The following RB1 variants were observed in gnomAD, a reference collection of about 807,000 sequenced individuals.
RB1 encodes the protein RB transcriptional corepressor 1.
In RB1, 18 loss-of-function variants were observed where a neutral mutation model predicts 135.4. The observed-to-expected ratio is 0.13, with a 90% CI of 0.09 to 0.20. The LOEUF (loss-of-function observed/expected upper bound fraction) is 0.20. RB1 is among the 10% of genes least tolerant of loss of function. RB1 has a pLI of 1.00. For missense variants in RB1, 868 were observed against 1,110.0 expected, an observed-to-expected ratio of 0.78 and a Z score of 3.10; for synonymous variants, 365 against 373.2, an observed-to-expected ratio of 0.98 and a Z score of 0.25.
At chr13:48,304,153 C>G in intron 1 of RB1, 104 bp downstream of exon 1, 1 of 1,237,898 alleles carries the variant, frequency 8.1e-7, no homozygotes, top group Non-Finnish European at 1.0e-6. Flanking sequence ...CGCCAGGGGC[C>G]GGGTCCCGGC....
chr13:48,339,441 C>T lies in RB1; in HGVS notation c.265-3158C>T, dbSNP rs185760892. Among the ~76,000 whole-genome samples, 322 of 152,302 alleles carry T rather than the reference C, an allele frequency of 2.1e-3. 1 individual carries two copies. The highest frequency in any genetic ancestry group is 7.0e-3 in the African/African-American group (289 of 41,558). On this transcript the variant is annotated intron_variant, in intron 2 of 26. Transcript: ENST00000267163. ...CTCAGACTGCTGTGCTAGCAATGAG[C>T]GAGGCTCCGTGGGTGTGGGACCCTC...
intron 17 of RB1, among the ~76,000 whole-genome samples, chr13:48,387,619 C>T (rs1401007045): frequency 6.6e-6 from 1 of 151,924 alleles, no homozygotes; most frequent in Non-Finnish European, 1.5e-5. Flanking sequence ...GTAAAATTGA[C>T]TCATTATTGT....
intron 5 of RB1, among the ~76,000 whole-genome samples, chr13:48,348,171 G>A (rs1952514969): frequency 6.6e-6 from 1 of 151,884 alleles, no homozygotes; most frequent in Non-Finnish European, 1.5e-5. Flanking sequence ...GTCTGTTACA[G>A]GCACTTTATT....
chr13:48,304,554 G>A (rs546392797), intron 1 of RB1, among the ~76,000 whole-genome samples: 1 of 152,234 alleles, frequency 6.6e-6, no homozygotes, highest in Admixed American at 6.5e-5. Context: ...AGAAAGCCTT[G>A]GACAAGAAGC....
intron 2 of RB1, chr13:48,317,465 T>C: frequency 4.7e-6 from 2 of 428,196 alleles, no homozygotes; most frequent in South Asian, 2.4e-5. Flanking sequence ...GCTTCCTGGC[T>C]AGGGGTCAGG....
Position 48,396,067 on chromosome 13 carries a change from C to T in RB1, c.1695+14624C>T, listed in dbSNP as rs1310592401. On this transcript the variant is annotated intron_variant, in intron 17 of 26. Coordinates refer to ENST00000267163, the MANE Select transcript of RB1 (RefSeq NM_000321.3). ...AAATTATAGCGTGAAAATGGCCATA[C>T]TGCCCACAGTAATTTATAGATTCAA... 2.0e-5 allele frequency among the ~76,000 whole-genome samples: 3 copies of T among 152,316 alleles called. No individual in the cohort carries two copies. In the South Asian group the frequency reaches 6.2e-4, roughly 32 times the overall value.
chr13:48,363,277 A>G (rs187425046), intron 8 of RB1, among the ~76,000 whole-genome samples: 306 of 151,748 alleles, frequency 2.0e-3, no homozygotes, highest in Non-Finnish European at 3.6e-3. Context: ...AAGGCTGGGC[A>G]TGGTGGCTCA....
At position 48,380,060 on chromosome 13, in the gene RB1, A is replaced by G; in HGVS notation, c.1397A>G (p.Glu466Gly). 1 of 1,369,430 alleles carries G rather than the reference A, an allele frequency of 7.3e-7. No homozygotes were observed. Among genetic ancestry groups the G allele is most frequent in the Non-Finnish European group, 9.9e-7 (1 of 1,010,636 alleles). 84.8% of individuals were successfully genotyped at this position (1,369,430 alleles called of 1,614,324 possible). Residue 466 changes from glutamate (E) to glycine (G), a missense_variant, in exon 15 of 27, where the codon GAA becomes GGA. Physicochemically the swap from Glu to Gly is moderately conservative, Grantham distance 98. This residue lies in a region of RB1 where 641 missense variants were observed against 791.3 expected (regional missense o/e 0.81). Transcript: ENST00000267163. ...VMESMLKSEE[E>G]RLSIQNFSKL... is the part of the protein sequence containing the mutation. ...TTAAATTATCTGTTTCAGGAAGAAGAACGATTATCCATTCAAAATTTTAGG... is the reference window on the plus strand; with the variant it reads ...TTAAATTATCTGTTTCAGGAAGAAGGACGATTATCCATTCAAAATTTTAGG...
chr13:48,374,854 G>A (rs552068776), intron 12 of RB1, among the ~76,000 whole-genome samples: 3 of 151,506 alleles, frequency 2.0e-5, no homozygotes, highest in South Asian at 4.2e-4. Flanking sequence ...TTCAACCCTC[G>A]CTCTCTTCCT....
chr13:48,380,608 A>G (rs1230232229), intron 16 of RB1, among the ~76,000 whole-genome samples: 1 of 152,206 alleles, frequency 6.6e-6, no homozygotes, highest in Admixed American at 6.5e-5. Flanking sequence ...TGGTTATGAA[A>G]CTAAAGATTG....
At chr13:48,350,368 G>T (rs536317391) in intron 6 of RB1, among the ~76,000 whole-genome samples, 2 of 152,134 alleles carry the variant, frequency 1.3e-5, no homozygotes, top group South Asian at 4.2e-4. Flanking sequence ...TAATAACAAG[G>T]TATTTTGGAA....
chr13:48,476,235 T>C (rs1365486233), intron 24 of RB1, among the ~76,000 whole-genome samples: 1 of 152,184 alleles, frequency 6.6e-6, no homozygotes, highest in African/African-American at 2.4e-5. Flanking sequence ...ATAATACCCA[T>C]AAAGTGAATC....
intron 2 of RB1, among the ~76,000 whole-genome samples, chr13:48,314,277 A>G (rs1345468508): frequency 6.6e-6 from 1 of 152,142 alleles, no homozygotes; most frequent in Non-Finnish European, 1.5e-5. Flanking sequence ...TTGGATCTAG[A>G]TCAATTTGCG....
intron 17 of RB1, among the ~76,000 whole-genome samples, chr13:48,421,348 C>A (rs1949002603): frequency 6.6e-6 from 1 of 152,100 alleles, no homozygotes; most frequent in Admixed American, 6.5e-5. Flanking sequence ...CTTTCTTACA[C>A]CTTATACAAA....
chr13:48,379,536 TCA>T, intron 13 of RB1, 56 bp from the exon 14 acceptor site: 1 of 1,568,338 alleles, frequency 6.4e-7, no homozygotes, highest in South Asian at 1.2e-5. Flanking sequence ...AAAAAAAATT[TCA>T]TAATTGTGAT....
intron 2 of RB1, among the ~76,000 whole-genome samples, chr13:48,311,104 T>C (rs570932161): frequency 6.6e-6 from 1 of 152,310 alleles, no homozygotes; most frequent in South Asian, 2.1e-4. Context: ...AATTATATTG[T>C]AGCTATATGA....
intron 17 of RB1, among the ~76,000 whole-genome samples, chr13:48,432,213 C>G (rs1438002726): frequency 6.6e-6 from 1 of 152,072 alleles, no homozygotes; most frequent in Non-Finnish European, 1.5e-5. Context: ...AGGGAATTAA[C>G]CTTTAACTGA....
intron 12 of RB1, among the ~76,000 whole-genome samples, chr13:48,376,292 G>A (rs1228373712): frequency 2.6e-5 from 4 of 152,010 alleles, no homozygotes; most frequent in Non-Finnish European, 5.9e-5. Context: ...CCTGAAATCA[G>A]GAGTTCGAGA....
intron 18 of RB1, among the ~76,000 whole-genome samples, chr13:48,454,737 C>T (rs979665082): frequency 6.6e-6 from 1 of 152,164 alleles, no homozygotes; most frequent in Non-Finnish European, 1.5e-5. Context: ...TGACGTCACA[C>T]CTGAAGGGCA....
Sources: allele counts gnomAD v4.1 joint callset (sites outside exome capture counted in the v4.1 genomes callset), GRCh38; gene constraint gnomAD v4.1.1; regional missense constraint gnomAD v4.1.1; transcripts MANE v1.5; gene names NCBI Gene and HGNC (gene_info 2026-07-23, HGNC 2026-07-21).